The following ATP8B4 variants were observed in gnomAD, a reference collection of about 807,000 sequenced individuals.
ATP8B4 encodes the protein ATPase phospholipid transporting 8B4 (putative).
Under a neutral mutation model 145.6 loss-of-function variants are expected in ATP8B4, and 133 were observed. That is an observed-to-expected ratio of 0.91 (90% CI 0.79 to 1.05). The LOEUF (loss-of-function observed/expected upper bound fraction) is 1.05, where lower values mean the gene tolerates loss of function less well. Ranked by LOEUF, ATP8B4 falls within the 50% of genes least tolerant of loss-of-function variation. The pLI is 0.00. For synonymous variants in ATP8B4, 507 were observed against 492.9 expected (o/e 1.03, Z -0.38); for missense variants, 1,458 against 1,425.2 (o/e 1.02, Z -0.37).
At chr15:50,169,810 T>C (rs911152415) in intron 1 of ATP8B4, among the ~76,000 whole-genome samples, 10 of 152,184 alleles carry the variant, frequency 6.6e-5, no homozygotes, top group African/African-American at 1.9e-4. Context: ...GAATTATTTA[T>C]AGAAATAGAT....
Position 50,126,074 on chromosome 15 carries a change from G to T in ATP8B4, c.-42-19066C>A, listed in dbSNP as rs1198546923. Among the ~76,000 whole-genome samples, 3 of 152,068 alleles carry T rather than the reference G, an allele frequency of 2.0e-5. No homozygotes were observed. In the East Asian group the frequency reaches 5.8e-4, roughly 29 times the overall value. On this transcript the variant is annotated intron_variant, in intron 1 of 3. Coordinates refer to the ATP8B4 transcript ENST00000558829. ...CAATGTGATAGTAACTCTAATTTAG[G>T]TGTCCCTTGTCCAAACAGGCTTCGG...
intron 6 of ATP8B4, among the ~76,000 whole-genome samples, chr15:50,028,242 C>T (rs987049689): frequency 6.6e-6 from 1 of 152,186 alleles, no homozygotes; most frequent in African/African-American, 2.4e-5. Flanking sequence ...ACTTTCTATG[C>T]TGTCTGCCTC....
Position 49,920,540 on chromosome 15 carries a change from C to T in ATP8B4, c.1759-130G>A. 4 of 1,034,470 alleles carry T rather than the reference C, an allele frequency of 3.9e-6. No individual in the cohort carries two copies. The East Asian group carries it at 1.1e-4, about 27-fold the overall frequency. The allele number at this position is 1,034,470 out of a possible 1,614,324, so 64.1% of individuals were successfully genotyped here. On this transcript the variant is annotated intron_variant, in intron 17 of 27. Coordinates refer to ENST00000284509, the MANE Select transcript of ATP8B4 (RefSeq NM_024837.4). ...GTACCAAGAGCACTGCTTGGCTATCCTTACTCTCAACTTTTTAATCTCCTC... is the reference window on the plus strand; with the variant it reads ...GTACCAAGAGCACTGCTTGGCTATCTTTACTCTCAACTTTTTAATCTCCTC...
chr15:49,987,275 C>A (rs74012858), intron 10 of ATP8B4, 116 bp downstream of exon 10: 1 of 1,262,250 alleles, frequency 7.9e-7, no homozygotes, highest in East Asian at 2.6e-5. Flanking sequence ...CTCCAGAGCA[C>A]GACTTTGCAT....
intron 1 of ATP8B4, among the ~76,000 whole-genome samples, chr15:50,109,488 C>A (rs1225992498): frequency 6.6e-6 from 1 of 151,922 alleles, no homozygotes; most frequent in Middle Eastern, 3.2e-3. Flanking sequence ...TCTGGTGGCC[C>A]CACTTGGCCA....
chr15:50,101,655 T>A (rs2056360139), intron 2 of ATP8B4, among the ~76,000 whole-genome samples: 1 of 152,170 alleles, frequency 6.6e-6, no homozygotes, highest in Middle Eastern at 3.4e-3. Flanking sequence ...GAGACTTTAG[T>A]ACTCTACTAA....
intron 23 of ATP8B4, among the ~76,000 whole-genome samples, chr15:49,887,279 C>T (rs185939607): frequency 1.3e-5 from 2 of 152,076 alleles, no homozygotes; most frequent in Admixed American, 1.3e-4. Context: ...GAGAGGGGCA[C>T]ATGAGCCCAG....
chr15:49,981,038 T>C (rs1599599583), intron 11 of ATP8B4, among the ~76,000 whole-genome samples, 168 bp downstream of exon 11: 1 of 152,174 alleles, frequency 6.6e-6, no homozygotes, highest in Non-Finnish European at 1.5e-5. Flanking sequence ...GGTTGAGAAA[T>C]TAGCATAATC....
chr15:50,087,098 A>AAAATAATATAGAGATCTATATTATATAT (rs1567335828), intron 2 of ATP8B4, among the ~76,000 whole-genome samples: 3 of 91,304 alleles, frequency 3.3e-5, no homozygotes, highest in African/African-American at 1.9e-4. Flanking sequence ...TATATATAAT[A>AAAATAATATAGAGATCTATATTATATAT]AATATAGATT....
chr15:49,948,593 A>ATGT (rs1197408958), intron 14 of ATP8B4, among the ~76,000 whole-genome samples: 1 of 152,206 alleles, frequency 6.6e-6, no homozygotes, highest in Non-Finnish European at 1.5e-5. Context: ...AGCCATGTAA[A>ATGT]TGTCTTCTTT....
intron 10 of ATP8B4, among the ~76,000 whole-genome samples, chr15:49,986,780 A>T (rs2046634078): frequency 6.6e-6 from 1 of 152,264 alleles, no homozygotes; most frequent in African/African-American, 2.4e-5. Flanking sequence ...TTTCTTAGCA[A>T]GAGAGGGCCA....
chr15:50,048,224 G>A (rs1372521480), intron 3 of ATP8B4, among the ~76,000 whole-genome samples: 1 of 151,942 alleles, frequency 6.6e-6, no homozygotes, highest in African/African-American at 2.4e-5. Context: ...TCACACCTGA[G>A]GGACCACCCA....
intron 5 of ATP8B4, among the ~76,000 whole-genome samples, chr15:50,043,531 T>C (rs2051471562): frequency 1.3e-5 from 2 of 152,200 alleles, no homozygotes; most frequent in South Asian, 4.1e-4. Context: ...CTTAGCCTAC[T>C]AAACATGAAG....
At chr15:50,137,097 G>A (rs1188503483) in intron 1 of ATP8B4, among the ~76,000 whole-genome samples, 1 of 152,120 alleles carries the variant, frequency 6.6e-6, no homozygotes, top group African/African-American at 2.4e-5. Context: ...CACTGTGCAA[G>A]AGGCTTCTCA....
chr15:50,001,971 G>A (rs1300649089), intron 8 of ATP8B4, among the ~76,000 whole-genome samples, 182 bp downstream of exon 8: 1 of 152,010 alleles, frequency 6.6e-6, no homozygotes, highest in Admixed American at 6.6e-5. Context: ...GTTTCTGCAA[G>A]AAAATAAATT....
intron 13 of ATP8B4, among the ~76,000 whole-genome samples, chr15:49,970,224 C>T (rs1231880510): frequency 2.6e-5 from 4 of 152,192 alleles, no homozygotes; most frequent in African/African-American, 9.7e-5. Flanking sequence ...GACAAGGATG[C>T]TCTCTCTCGC....
chr15:49,946,654 A>G (rs533278611), intron 14 of ATP8B4, among the ~76,000 whole-genome samples: 10 of 151,742 alleles, frequency 6.6e-5, no homozygotes, highest in Non-Finnish European at 1.2e-4. Context: ...GTTTCTTGCA[A>G]CCCAGGGATG....
chr15:50,050,531 C>T (rs1005952754), intron 3 of ATP8B4, among the ~76,000 whole-genome samples: 3 of 151,666 alleles, frequency 2.0e-5, no homozygotes, highest in Non-Finnish European at 4.4e-5. Flanking sequence ...CTATCTAAAG[C>T]ATTAAATATT....
intron 25 of ATP8B4, among the ~76,000 whole-genome samples, chr15:49,870,476 C>G (rs2033518394): frequency 6.6e-6 from 1 of 151,900 alleles, no homozygotes; most frequent in South Asian, 2.1e-4. Flanking sequence ...TTTAAAAAAA[C>G]AATAGAGACT....
Sources: gnomAD v4.1 joint callset for allele counts (sites outside exome capture counted in the v4.1 genomes callset) on GRCh38, gnomAD v4.1.1 for gene constraint, MANE v1.5 for transcripts, NCBI Gene and HGNC (gene_info 2026-07-23, HGNC 2026-07-21) for gene names.